Variants in BMP5 observed in about 807,000 individuals in gnomAD.
BMP5 encodes the protein bone morphogenetic protein 5.
A neutral mutation model predicts 46.6 loss-of-function variants in BMP5; 23 were observed. The ratio of observed to expected loss-of-function variants is 0.49; its 90% confidence interval spans 0.35 to 0.70. The LOEUF is 0.70. BMP5 is among the 30% of genes least tolerant of loss of function. The probability of loss-of-function intolerance (pLI) is 0.00; values close to 1 mark genes in which losing one functional copy is unlikely to be tolerated. For synonymous variants in BMP5, 204 were observed against 191.9 expected (o/e 1.06, Z -0.52); for missense variants, 545 against 565.6 (o/e 0.96, Z 0.37).
intron 3 of BMP5, among the ~76,000 whole-genome samples, chr6:55,780,931 T>C (rs995808771): frequency 2.4e-4 from 37 of 152,034 alleles, no homozygotes; most frequent in Admixed American, 2.2e-3. Flanking sequence ...ATTAGTTTCC[T>C]TCCATGGGAC....
intron 1 of BMP5, among the ~76,000 whole-genome samples, chr6:55,832,263 C>T (rs1231065190): frequency 6.6e-6 from 1 of 152,098 alleles, no homozygotes; most frequent in Non-Finnish European, 1.5e-5. Flanking sequence ...TTTCCCTACT[C>T]CTGAGAGCTG....
chr6:55,803,873 T>C (rs1399137123), intron 2 of BMP5, among the ~76,000 whole-genome samples: 1 of 152,172 alleles, frequency 6.6e-6, no homozygotes. Flanking sequence ...TCCTGAAAAG[T>C]TCTAGTTCTT....
intron 1 of BMP5, among the ~76,000 whole-genome samples, chr6:55,870,498 T>C (rs1777759810): frequency 6.7e-6 from 1 of 149,742 alleles, no homozygotes; most frequent in Non-Finnish European, 1.5e-5. Flanking sequence ...TGGCTTTATA[T>C]TATCTTTCCT....
chr6:55,874,041 C>CT (rs917734807), intron 1 of BMP5, among the ~76,000 whole-genome samples: 10 of 151,672 alleles, frequency 6.6e-5, no homozygotes, highest in African/African-American at 2.4e-4. Context: ...GTAAGTGCTT[C>CT]TTTTTTTTAT....
At chr6:55,830,525 C>G (rs1437642226) in intron 1 of BMP5, among the ~76,000 whole-genome samples, 1 of 152,042 alleles carries the variant, frequency 6.6e-6, no homozygotes, top group African/African-American at 2.4e-5. Flanking sequence ...AAGATGCACA[C>G]CTGGAAACAA....
At chr6:55,853,660 T>C (rs1777309941) in intron 1 of BMP5, among the ~76,000 whole-genome samples, 1 of 152,210 alleles carries the variant, frequency 6.6e-6, no homozygotes. Flanking sequence ...GCAACTGCTG[T>C]ATTTTCATAA....
chr6:55,778,181 G>T (rs10485073), intron 3 of BMP5, among the ~76,000 whole-genome samples: 8,061 of 152,044 alleles, frequency 0.053, 705 homozygotes, highest in African/African-American at 0.18. Context: ...AAATTCCCTT[G>T]TATGATATCC....
At chr6:55,798,910 C>T (rs1187102235) in intron 2 of BMP5, among the ~76,000 whole-genome samples, 1 of 152,142 alleles carries the variant, frequency 6.6e-6, no homozygotes. Context: ...AAGGACACTA[C>T]ACTAAAGACT....
At chr6:55,835,891 T>C (rs1450724010) in intron 1 of BMP5, among the ~76,000 whole-genome samples, 1 of 152,210 alleles carries the variant, frequency 6.6e-6, no homozygotes, top group Non-Finnish European at 1.5e-5. Context: ...AAGTAAGAGA[T>C]GAATTTAAAG....
intron 2 of BMP5, among the ~76,000 whole-genome samples, chr6:55,794,866 G>C (rs1775667669): frequency 6.6e-6 from 1 of 152,066 alleles, no homozygotes; most frequent in Admixed American, 6.6e-5. Context: ...GCAATCATCT[G>C]TTTTAGAAGG....
At chr6:55,810,512 A>G (rs1448041644) in intron 2 of BMP5, among the ~76,000 whole-genome samples, 2 of 152,188 alleles carry the variant, frequency 1.3e-5, no homozygotes, top group Admixed American at 1.3e-4. Context: ...TACACCCAGG[A>G]GGTCCCCTCA....
intron 3 of BMP5, among the ~76,000 whole-genome samples, chr6:55,775,238 T>C (rs1775148408): frequency 6.6e-6 from 1 of 151,964 alleles, no homozygotes; most frequent in South Asian, 2.1e-4. Flanking sequence ...TAAAACTATG[T>C]CAAATCACTT....
At chr6:55,763,446 G>T (rs762272758) in intron 4 of BMP5, among the ~76,000 whole-genome samples, 7 of 152,068 alleles carry the variant, frequency 4.6e-5, no homozygotes, top group Non-Finnish European at 1.0e-4. Context: ...TGCTTATTCT[G>T]TCAGAAATAA....
chr6:55,867,222 G>A (rs989278078), intron 1 of BMP5, among the ~76,000 whole-genome samples: 1 of 152,106 alleles, frequency 6.6e-6, no homozygotes, highest in Admixed American at 6.6e-5. Flanking sequence ...CCCCCGCTGA[G>A]TATCTAAGGA....
intron 2 of BMP5, among the ~76,000 whole-genome samples, chr6:55,815,069 G>A (rs1776223469): frequency 6.9e-6 from 1 of 145,848 alleles, no homozygotes; most frequent in Non-Finnish European, 1.5e-5. Flanking sequence ...GAAGGCAGAG[G>A]TTGCAGTGGG....
At chr6:55,855,176 C>T (rs1436982985) in intron 1 of BMP5, among the ~76,000 whole-genome samples, 1 of 152,024 alleles carries the variant, frequency 6.6e-6, no homozygotes, top group African/African-American at 2.4e-5. Flanking sequence ...GGCATGCTGG[C>T]TCATACCTGT....
chr6:55,769,651 G>A (rs945782322), intron 4 of BMP5, among the ~76,000 whole-genome samples: 1 of 151,852 alleles, frequency 6.6e-6, no homozygotes, highest in African/African-American at 2.4e-5. Flanking sequence ...CTAGAATGGT[G>A]AATCCTTTCC....
intron 4 of BMP5, among the ~76,000 whole-genome samples, chr6:55,770,894 T>C (rs79451598): frequency 0.042 from 6,438 of 151,994 alleles, 187 homozygotes; most frequent in Non-Finnish European, 0.064. Flanking sequence ...CTTCCCATCT[T>C]ATATGGGTAA....
intron 6 of BMP5, among the ~76,000 whole-genome samples, chr6:55,755,978 A>T (rs548362755): frequency 1.0e-3 from 154 of 152,104 alleles, no homozygotes; most frequent in African/African-American, 3.3e-3. Flanking sequence ...GAAAGAACAC[A>T]GCAACTAGCA....
Sources: gnomAD v4.1 joint callset for allele counts (sites outside exome capture counted in the v4.1 genomes callset) on GRCh38, gnomAD v4.1.1 for gene constraint, MANE v1.5 for transcripts, NCBI Gene and HGNC (gene_info 2026-07-23, HGNC 2026-07-21) for gene names.